SLCO4A1: variants seen among roughly 807,000 people sequenced by gnomAD.
The protein encoded by SLCO4A1 is solute carrier organic anion transporter family member 4A1.
SLCO4A1 carries 51 observed loss-of-function variants against 64.6 expected under a neutral mutation model. That is an observed-to-expected ratio of 0.79 (90% confidence interval 0.63 to 1.00). The LOEUF (loss-of-function observed/expected upper bound fraction) is 1.00. Among genes scored for constraint, SLCO4A1 ranks in the 50% least tolerant of loss-of-function variants. The pLI, the probability that SLCO4A1 is intolerant of heterozygous loss-of-function variation, is 0.00. For synonymous variants in SLCO4A1, 471 were observed against 444.9 expected (o/e 1.06, Z -0.74); for missense variants, 919 against 980.5 (o/e 0.94, Z 0.84).
At chr20:62,657,740 G>A (rs759462459) in intron 2 of SLCO4A1, among the ~76,000 whole-genome samples, 14 of 152,252 alleles carry the variant, frequency 9.2e-5, no homozygotes, top group Non-Finnish European at 1.6e-4. Flanking sequence ...GAGGGACAGA[G>A]CCCTGAGACC....
rs1351785747 is a variant in SLCO4A1, at chr20:62,668,912, G to A, written c.1877-18G>A. 3.1e-6 allele frequency: 5 copies of A among 1,598,684 alleles called. No homozygotes were observed. Among genetic ancestry groups the A allele is most frequent in the Non-Finnish European group, 4.2e-6 (5 of 1,178,620 alleles). ...TACCCACCAGGAGTGTGGGTGCTGA[G>A]TGGGCTTCTCTCCGCAGGGGGCATC... On this transcript the variant is annotated intron_variant, in intron 10 of 11. Coordinates refer to ENST00000217159, the MANE Select transcript of SLCO4A1 (RefSeq NM_016354.4).
At position 62,663,672 on chromosome 20, in the gene SLCO4A1, C is replaced by T. The variant is rs905358318; in HGVS notation, c.1122-1262C>T. On this transcript the variant is annotated intron_variant, in intron 5 of 11. Coordinates refer to ENST00000217159, the MANE Select transcript of SLCO4A1 (RefSeq NM_016354.4). ...GTCTGCAAACACCCCCACCTGAGGC[C>T]GAGAGCCCCCCACTCAGTGGGGGAG... Among the ~76,000 whole-genome samples the T allele has an allele frequency of 3.9e-5, 6 of 152,232 alleles. 1 individual carries two copies. Among genetic ancestry groups the T allele is most frequent in the East Asian group, 3.9e-4 (2 of 5,170 alleles).
downstream of SLCO4A1, among the ~76,000 whole-genome samples, chr20:62,686,360 G>A (rs1184268549): frequency 1.3e-5 from 2 of 152,172 alleles, no homozygotes; most frequent in East Asian, 3.9e-4. Flanking sequence ...GAGCGGCGTG[G>A]AGCTCGCAGT....
downstream of SLCO4A1, among the ~76,000 whole-genome samples, chr20:62,685,985 C>T (rs1013221135): frequency 1.5e-4 from 23 of 152,142 alleles, no homozygotes; most frequent in African/African-American, 5.6e-4. This position sits in a 1 kb window ranked among gnomAD's most constrained non-coding sequence, Gnocchi z 4.6. Flanking sequence ...CAGAACATAC[C>T]ATGATGAGAG....
At chr20:62,665,233 G>A (rs771743716) in intron 6 of SLCO4A1, 145 bp downstream of exon 6, 4 of 872,104 alleles carry the variant, frequency 4.6e-6, no homozygotes, top group South Asian at 1.7e-5. Context: ...GGTGTGGAGA[G>A]CGCCACGGGG....
chr20:62,659,102 C>T (rs1288939438), intron 3 of SLCO4A1, among the ~76,000 whole-genome samples: 1 of 152,124 alleles, frequency 6.6e-6, no homozygotes, highest in Non-Finnish European at 1.5e-5. Context: ...GTGTGTGTGA[C>T]CCTAGTTTCT....
chr20:62,683,857 G>A (rs1178316461), intron 2 of SLCO4A1, among the ~76,000 whole-genome samples: 4 of 152,154 alleles, frequency 2.6e-5, no homozygotes, highest in African/African-American at 9.7e-5. Context: ...GTGACCACAC[G>A]CTCCCCACAC....
rs1981174730 is a variant in SLCO4A1, at chr20:62,645,593, C to G, written c.-97+3040C>G. Reference sequence around the variant, plus strand: ...ACCCTTCAGTTCTTTTCAGTAGCCTCCTTCCCACCAGCATCACACAGAATT... The same window carrying G: ...ACCCTTCAGTTCTTTTCAGTAGCCTGCTTCCCACCAGCATCACACAGAATT... On this transcript the variant is annotated intron_variant, in intron 1 of 11. Transcript: ENST00000217159. The surrounding 1 kb of genome is among the most constrained non-coding windows in gnomAD (Gnocchi z 4.2). 6.6e-6 allele frequency among the ~76,000 whole-genome samples: 1 copy of G among 151,670 alleles called. No homozygotes were observed. The highest frequency in any genetic ancestry group is 1.5e-5 in the Non-Finnish European group (1 of 67,872).
At chr20:62,654,365 A>T in intron 1 of SLCO4A1, among the ~76,000 whole-genome samples, 1 of 152,226 alleles carries the variant, frequency 6.6e-6, no homozygotes, top group East Asian at 1.9e-4. Context: ...GGTGAACGTG[A>T]CTGCCCGGGG....
chr20:62,666,212 CG>C (rs1460970775), intron 6 of SLCO4A1, among the ~76,000 whole-genome samples, 167 bp from the exon 7 acceptor site: 1 of 149,230 alleles, frequency 6.7e-6, no homozygotes, highest in Non-Finnish European at 1.5e-5. Flanking sequence ...GCTCTATCAG[CG>C]CAACAGCTAA....
At chr20:62,653,151 A>G (rs921330493) in intron 1 of SLCO4A1, among the ~76,000 whole-genome samples, 1 of 152,224 alleles carries the variant, frequency 6.6e-6, no homozygotes, top group African/African-American at 2.4e-5. Context: ...CTTCGTCCCA[A>G]GGAGCCTGGG....
chr20:62,648,025 T>C (rs1981691249), intron 1 of SLCO4A1, among the ~76,000 whole-genome samples: 1 of 152,206 alleles, frequency 6.6e-6, no homozygotes. Context: ...CACTGACCCA[T>C]ACACAGGCGC....
At chr20:62,657,550 A>G (rs1474059225) in intron 2 of SLCO4A1, among the ~76,000 whole-genome samples, 2 of 152,266 alleles carry the variant, frequency 1.3e-5, no homozygotes, top group African/African-American at 2.4e-5. Flanking sequence ...CAAGGGGCAC[A>G]GTCACTAGGC....
chr20:62,667,308 G>T, intron 7 of SLCO4A1, among the ~76,000 whole-genome samples: 1 of 152,364 alleles, frequency 6.6e-6, no homozygotes, highest in East Asian at 1.9e-4. Context: ...GACTGCCGAG[G>T]GGCGTGTACG....
Position 62,660,538 on chromosome 20 carries a change from G to T in SLCO4A1, c.1009+5G>T. 4.4e-6 allele frequency: 7 copies of T among 1,604,376 alleles called. No individual in the cohort carries two copies. The highest frequency in any genetic ancestry group is 5.9e-6 in the Non-Finnish European group (7 of 1,179,900). ...GTTACCCTCGGCAGCTGCCAGGTGGGTTTCCCTTCCCCAGCCCAGCCTTCA... is the reference window on the plus strand; with the variant it reads ...GTTACCCTCGGCAGCTGCCAGGTGGTTTTCCCTTCCCCAGCCCAGCCTTCA... On this transcript the variant is annotated splice_donor_5th_base_variant and intron_variant, in intron 4 of 11. Coordinates refer to ENST00000217159, the MANE Select transcript of SLCO4A1 (RefSeq NM_016354.4).
chr20:62,642,983 C>T (rs998381373), intron 1 of SLCO4A1: 2 of 469,634 alleles, frequency 4.3e-6, no homozygotes, highest in African/African-American at 4.0e-5. Context: ...AACGCGCCTC[C>T]GCGGAGCTCC....
intron 11 of SLCO4A1, among the ~76,000 whole-genome samples, chr20:62,671,290 C>T (rs891887323): frequency 3.9e-5 from 6 of 152,108 alleles, no homozygotes; most frequent in Admixed American, 3.9e-4. Flanking sequence ...GGGCTCCTTC[C>T]GCCGCTCTGG....
chr20:62,667,712 G>T (rs1474126659), intron 7 of SLCO4A1, 33 bp from the exon 8 acceptor site: 6 of 1,590,630 alleles, frequency 3.8e-6, no homozygotes, highest in Non-Finnish European at 5.1e-6. Flanking sequence ...GCTCTGGCCT[G>T]GACCCTACCA....
intron 6 of SLCO4A1, 125 bp from the exon 7 acceptor site, chr20:62,666,255 C>A: frequency 2.7e-6 from 2 of 744,578 alleles, no homozygotes; most frequent in Non-Finnish European, 2.2e-6. Flanking sequence ...TGCTGCCATG[C>A]AGGCAGGAAT....
Sources: allele counts gnomAD v4.1 joint callset (sites outside exome capture counted in the v4.1 genomes callset), GRCh38; gene constraint gnomAD v4.1.1; non-coding constraint Gnocchi (gnomAD v3.1); transcripts MANE v1.5; gene names NCBI Gene and HGNC (gene_info 2026-07-23, HGNC 2026-07-21).